QTGAL: variants seen among roughly 807,000 people sequenced by gnomAD.
QTGAL encodes BGnT-like protein 1.
chr17:83,007,208 C>A, the QTGAL span: 1 of 984,626 alleles, frequency 1.0e-6, no homozygotes, highest in Non-Finnish European at 1.2e-6. Flanking sequence ...ATCTGTGAAC[C>A]TTTCATGTCT....
the QTGAL span, among the ~76,000 whole-genome samples, chr17:82,956,154 T>C: frequency 6.6e-6 from 1 of 151,698 alleles, no homozygotes; most frequent in East Asian, 1.9e-4. The surrounding 1 kb of genome is among the most constrained non-coding windows in gnomAD (Gnocchi z 5.7). Flanking sequence ...ATCCCAGAAC[T>C]TAAAGTAAAA....
At chr17:82,980,197 C>A in the QTGAL span, among the ~76,000 whole-genome samples, 69 of 152,304 alleles carry the variant, frequency 4.5e-4, no homozygotes, top group South Asian at 2.1e-4. Flanking sequence ...AAAAATACAT[C>A]AAAAAATATC....
chr17:83,046,068 C>T, the QTGAL span, among the ~76,000 whole-genome samples: 54 of 152,322 alleles, frequency 3.5e-4, no homozygotes, highest in African/African-American at 1.3e-3. Flanking sequence ...TGGTGATCCA[C>T]CCGCCTTGGC....
the QTGAL span, among the ~76,000 whole-genome samples, chr17:83,003,122 G>C: frequency 1.3e-4 from 2 of 15,484 alleles, 1 homozygote; most frequent in Admixed American, 1.2e-3. Context: ...CGCCCTCCGC[G>C]TGTGGGATTC....
chr17:82,963,273 G>A, the QTGAL span, among the ~76,000 whole-genome samples: 1 of 152,170 alleles, frequency 6.6e-6, no homozygotes, highest in Non-Finnish European at 1.5e-5. Flanking sequence ...CCGAGTCAGG[G>A]ACGCGCTTCC....
chr17:83,046,803 A>C, the QTGAL span, among the ~76,000 whole-genome samples: 1 of 152,258 alleles, frequency 6.6e-6, no homozygotes, highest in Non-Finnish European at 1.5e-5. Flanking sequence ...TCACAGTATC[A>C]AAGGGTAGAA....
At chr17:83,002,519 C>T in the QTGAL span, among the ~76,000 whole-genome samples, 1 of 152,190 alleles carries the variant, frequency 6.6e-6, no homozygotes, top group African/African-American at 2.4e-5. Flanking sequence ...CGCCCTCGGC[C>T]GCTAGCTCGT....
the QTGAL span, among the ~76,000 whole-genome samples, chr17:83,027,448 G>C: frequency 2.0e-5 from 3 of 152,082 alleles, no homozygotes; most frequent in African/African-American, 7.2e-5. Flanking sequence ...CTCCTTCGGG[G>C]TGAGCAAAAG....
At chr17:83,035,344 G>A in the QTGAL span, among the ~76,000 whole-genome samples, 6 of 151,932 alleles carry the variant, frequency 3.9e-5, no homozygotes, top group East Asian at 1.9e-4. Context: ...CACGCCTGGC[G>A]AATTTTGTAT....
the QTGAL span, among the ~76,000 whole-genome samples, chr17:83,029,829 C>T: frequency 6.6e-6 from 1 of 152,228 alleles, no homozygotes; most frequent in Non-Finnish European, 1.5e-5. Context: ...CCAGCGCAAG[C>T]ACCACCTTTA....
chr17:82,946,767 G>A, the QTGAL span: 1 of 890,934 alleles, frequency 1.1e-6, no homozygotes, highest in Admixed American at 2.8e-5. Flanking sequence ...TTAATGAGCT[G>A]AACATAAGCA....
the QTGAL span, chr17:82,965,895 C>T: frequency 8.0e-4 from 634 of 793,944 alleles, 3 homozygotes; most frequent in Middle Eastern, 6.5e-3. Context: ...GACTTCACCA[C>T]GGGGCCGACG....
chr17:83,042,106 C>G, the QTGAL span, among the ~76,000 whole-genome samples: 1 of 152,230 alleles, frequency 6.6e-6, no homozygotes, highest in Non-Finnish European at 1.5e-5. Context: ...GTGGCTCATG[C>G]CTATAATCCC....
the QTGAL span, among the ~76,000 whole-genome samples, chr17:83,036,295 C>T: frequency 2.8e-3 from 428 of 152,338 alleles, 2 homozygotes; most frequent in African/African-American, 9.5e-3. Context: ...GGCCCTGGCC[C>T]GGAGCACGAG....
the QTGAL span, chr17:82,961,153 T>A: frequency 6.2e-7 from 1 of 1,608,058 alleles, no homozygotes; most frequent in South Asian, 1.1e-5. Flanking sequence ...GAGGTGCTCG[T>A]AGAAGAACAG....
chr17:83,018,737 C>T, the QTGAL span, among the ~76,000 whole-genome samples: 1 of 152,228 alleles, frequency 6.6e-6, no homozygotes, highest in African/African-American at 2.4e-5. Context: ...CCTCTCATGT[C>T]CCTACCATCT....
chr17:83,045,917 G>A, the QTGAL span, among the ~76,000 whole-genome samples: 24 of 151,804 alleles, frequency 1.6e-4, no homozygotes, highest in African/African-American at 4.6e-4. Flanking sequence ...TCTGCCTCCC[G>A]GGTTCAAGCA....
At chr17:83,024,260 G>A in the QTGAL span, among the ~76,000 whole-genome samples, 1 of 145,648 alleles carries the variant, frequency 6.9e-6, no homozygotes, top group Admixed American at 6.7e-5. Flanking sequence ...CTCCTGGCCA[G>A]CTCAGCGGCA....
the QTGAL span, chr17:82,942,596 A>G: frequency 5.7e-6 from 7 of 1,229,644 alleles, no homozygotes; most frequent in Non-Finnish European, 7.0e-6. Context: ...GGAGGCTGGC[A>G]CTAGCTGACA....
Sources: allele counts gnomAD v4.1 joint callset (sites outside exome capture counted in the v4.1 genomes callset), GRCh38; gene constraint gnomAD v4.1.1; non-coding constraint Gnocchi (gnomAD v3.1); transcripts MANE v1.5; gene names NCBI Gene and HGNC (gene_info 2026-07-23, HGNC 2026-07-21).